Variants in CLMN observed in about 807,000 individuals in gnomAD.
CLMN encodes calmin.
Under a neutral mutation model 92.7 loss-of-function variants are expected in CLMN, and 57 were observed. The observed-to-expected ratio is 0.61, with a 90% CI of 0.50 to 0.77. The LOEUF is 0.77. Among genes scored for constraint, CLMN ranks in the 30% least tolerant of loss-of-function variants. The pLI is 0.00. For synonymous variants in CLMN, 466 were observed against 470.6 expected, an observed-to-expected ratio of 0.99 and a Z score of 0.13; for missense variants, 1,158 against 1,237.5, an observed-to-expected ratio of 0.94 and a Z score of 0.96.
At position 95,223,579 on chromosome 14, in the gene CLMN, TA is replaced by T. The variant is rs574294371; in HGVS notation, c.240+180del. On this transcript the variant is annotated intron_variant, in intron 3 of 12. Transcript: ENST00000298912. ...ATTTATTTTCTAAAATACATTGGCT[TA>T]AAAAAAAAAGTACTAGTTCATTCCA... 1.9e-3 allele frequency among the ~76,000 whole-genome samples: 284 copies of T among 149,374 alleles called. 1 individual carries two copies. The highest frequency in any genetic ancestry group is 6.1e-3 in the African/African-American group (249 of 40,806).
At chr14:95,232,968 C>T (rs572643156) in intron 1 of CLMN, among the ~76,000 whole-genome samples, 2 of 152,126 alleles carry the variant, frequency 1.3e-5, no homozygotes, top group South Asian at 2.1e-4. Context: ...ATTTCTTACC[C>T]GTGACAACTA....
At chr14:95,287,642 G>T (rs1900394372) in intron 1 of CLMN, among the ~76,000 whole-genome samples, 1 of 152,224 alleles carries the variant, frequency 6.6e-6, no homozygotes, top group Admixed American at 6.5e-5. Context: ...GGGTGATGCT[G>T]ATGCTGCTGG....
chr14:95,200,418 T>G (rs1896844631), intron 9 of CLMN, among the ~76,000 whole-genome samples: 2 of 152,134 alleles, frequency 1.3e-5, no homozygotes, highest in South Asian at 4.1e-4. Context: ...GTTGGATGAG[T>G]AAGCAGGTGA....
intron 1 of CLMN, among the ~76,000 whole-genome samples, chr14:95,312,451 G>A (rs1901582365): frequency 2.0e-5 from 3 of 152,146 alleles, no homozygotes; most frequent in Admixed American, 2.0e-4. Context: ...CTGTCATCAC[G>A]AGAAGCACCT....
rs927427893 is a variant in CLMN at position 95,188,551 on chromosome 14, G to C, written c.*3013C>G. On this transcript the variant is annotated 3_prime_UTR_variant, in exon 13 of 13. Coordinates refer to ENST00000298912, the MANE Select transcript of CLMN (RefSeq NM_024734.4). ...TAAAAAATATTAGAGCATCAGCCTG[G>C]GTGTAGGGGAGGGTCCAACATTGAA... The C allele has an allele frequency of 2.6e-5, 4 of 152,148 alleles. No homozygotes were observed. Among genetic ancestry groups the C allele is most frequent in the African/African-American group, 9.7e-5 (4 of 41,410 alleles). 9.4% of individuals were successfully genotyped at this position (152,148 alleles called of 1,614,324 possible). A position where few individuals can be genotyped will look rare whatever the true frequency, so the allele number is the denominator to read the frequency against.
intron 1 of CLMN, among the ~76,000 whole-genome samples, chr14:95,280,102 T>C (rs1483789863): frequency 6.6e-6 from 1 of 152,150 alleles, no homozygotes; most frequent in East Asian, 1.9e-4. Flanking sequence ...TGTGTGAACA[T>C]ATTGGCTGAA....
intron 3 of CLMN, 43 bp downstream of exon 3, chr14:95,223,717 C>CT: frequency 6.8e-7 from 1 of 1,468,624 alleles, no homozygotes; most frequent in South Asian, 1.2e-5. Flanking sequence ...CAGCGTTTTC[C>CT]TTTGCATTTT....
In CLMN at chr14:95,223,573, T is replaced by C. The variant is rs139217059; in HGVS notation, c.240+187A>G. Reference sequence around the variant, plus strand: ...TTATTCATTTATTTTCTAAAATACATTGGCTTAAAAAAAAAAGTACTAGTT... The same window carrying C: ...TTATTCATTTATTTTCTAAAATACACTGGCTTAAAAAAAAAAGTACTAGTT... On this transcript the variant is annotated intron_variant, in intron 3 of 12. Transcript: ENST00000298912. Among the ~76,000 whole-genome samples the C allele has an allele frequency of 4.2e-3, 640 of 152,224 alleles. 6 individuals carry two copies. The highest frequency in any genetic ancestry group is 0.015 in the African/African-American group (607 of 41,532).
Position 95,247,240 on chromosome 14 carries a change from T to C in CLMN, c.83-17107A>G, listed in dbSNP as rs191633440. Among the ~76,000 whole-genome samples, 12 of 152,358 alleles carry C rather than the reference T, an allele frequency of 7.9e-5. No individual in the cohort carries two copies. In the East Asian group the frequency reaches 2.3e-3, roughly 29 times the overall value. On this transcript the variant is annotated intron_variant, in intron 1 of 12. Transcript: ENST00000298912. Reference sequence around the variant, plus strand: ...TGGTGCTTTTCTGGCACTGAGCCACTGTGAAGGGATTTCACCCAGGCCAGC... The same window carrying C: ...TGGTGCTTTTCTGGCACTGAGCCACCGTGAAGGGATTTCACCCAGGCCAGC...
intron 1 of CLMN, among the ~76,000 whole-genome samples, chr14:95,267,713 C>A (rs1451587621): frequency 6.6e-6 from 1 of 152,174 alleles, no homozygotes; most frequent in East Asian, 1.9e-4. Context: ...AAAGAAATAT[C>A]TACACTCTCA....
intron 8 of CLMN, among the ~76,000 whole-genome samples, chr14:95,205,378 G>A (rs1020299208): frequency 3.9e-5 from 6 of 152,126 alleles, no homozygotes; most frequent in Non-Finnish European, 7.4e-5. Flanking sequence ...TATAGGACCC[G>A]GAGTTAGAAT....
chr14:95,298,878 G>A (rs955483316), intron 1 of CLMN, among the ~76,000 whole-genome samples: 8 of 152,146 alleles, frequency 5.3e-5, no homozygotes, highest in African/African-American at 1.7e-4. Flanking sequence ...CAGGTTGTCC[G>A]ATCCAGGTTC....
intron 1 of CLMN, among the ~76,000 whole-genome samples, chr14:95,278,393 G>T (rs1048762808): frequency 1.3e-5 from 2 of 152,054 alleles, no homozygotes; most frequent in African/African-American, 4.8e-5. Flanking sequence ...TCTTCTTGGT[G>T]AACTGAGTCG....
intron 2 of CLMN, among the ~76,000 whole-genome samples, chr14:95,226,076 C>T (rs900904368): frequency 6.6e-6 from 1 of 152,144 alleles, no homozygotes; most frequent in Non-Finnish European, 1.5e-5. Context: ...CCACTGCACC[C>T]GCTTTAATCA....
chr14:95,258,006 T>C (rs1181754165), intron 1 of CLMN, among the ~76,000 whole-genome samples: 1 of 151,880 alleles, frequency 6.6e-6, no homozygotes, highest in African/African-American at 2.4e-5. Context: ...GTGGTGTGTG[T>C]ACATGTGGGG....
intron 4 of CLMN, 125 bp from the exon 5 acceptor site, chr14:95,215,858 T>C: frequency 1.5e-6 from 1 of 658,070 alleles, no homozygotes; most frequent in South Asian, 1.8e-5. Flanking sequence ...TGTGTGTGTG[T>C]GTTTGCATGA....
At chr14:95,251,204 A>G (rs28556950) in intron 1 of CLMN, among the ~76,000 whole-genome samples, 35,840 of 152,022 alleles carry the variant, frequency 0.24, 5,588 homozygotes, top group African/African-American at 0.44. Flanking sequence ...GTTCTTAGAC[A>G]ATGATGATAA....
intron 1 of CLMN, among the ~76,000 whole-genome samples, chr14:95,251,168 G>A (rs1302491154): frequency 2.0e-5 from 3 of 152,098 alleles, no homozygotes; most frequent in Non-Finnish European, 4.4e-5. Context: ...GGTGTCGCAG[G>A]GCCAAAGGCA....
rs545809570 is a variant in CLMN at position 95,256,963 on chromosome 14, T to C, written c.83-26830A>G. Among the ~76,000 whole-genome samples the C allele has an allele frequency of 2.2e-4, 34 of 152,266 alleles. No homozygotes were observed. The highest frequency in any genetic ancestry group is 8.2e-4 in the African/African-American group (34 of 41,536). ...GCAAAGGCTGGGTGGCATCTAATGA[T>C]GAATGATGTGTTCTGAGACTGGTTA... On this transcript the variant is annotated intron_variant, in intron 1 of 12. Transcript: ENST00000298912. The surrounding 1 kb of genome is among the most constrained non-coding windows in gnomAD (Gnocchi z 4.9).
Sources: allele counts gnomAD v4.1 joint callset (sites outside exome capture counted in the v4.1 genomes callset), GRCh38; gene constraint gnomAD v4.1.1; non-coding constraint Gnocchi (gnomAD v3.1); transcripts MANE v1.5; gene names NCBI Gene and HGNC (gene_info 2026-07-23, HGNC 2026-07-21).